The following PCDHGA6 variants were observed in gnomAD, a reference collection of about 807,000 sequenced individuals.
PCDHGA6 encodes the protein protocadherin gamma subfamily A, 6, also known as protocadherin gamma-A6.
In PCDHGA6, 41 loss-of-function variants were observed where a neutral mutation model predicts 60.6. The observed-to-expected ratio is 0.68, with a 90% CI of 0.53 to 0.88. The LOEUF is 0.88. PCDHGA6 is among the 40% of genes least tolerant of loss of function. The probability of loss-of-function intolerance (pLI) is 0.00; values close to 1 mark genes in which losing one functional copy is unlikely to be tolerated. For synonymous variants in PCDHGA6, 594 were observed against 524.4 expected (o/e 1.13, Z -1.81); for missense variants, 1,312 against 1,203.0 (o/e 1.09, Z -1.34).
intron 1 of PCDHGA6, chr5:141,492,013 T>G: frequency 1.6e-6 from 1 of 610,970 alleles, no homozygotes; most frequent in Non-Finnish European, 2.7e-6. Context: ...TCCGCGGGTG[T>G]CGGGGGTCCC....
chr5:141,495,028 G>C, intron 2 of PCDHGA6, 163 bp downstream of exon 2: 3 of 966,196 alleles, frequency 3.1e-6, no homozygotes, highest in Non-Finnish European at 3.7e-6. Flanking sequence ...CACAGACCCC[G>C]GAAGGAAGAG....
intron 1 of PCDHGA6, chr5:141,400,528 A>T (rs764084750): frequency 1.9e-6 from 3 of 1,613,868 alleles, no homozygotes; most frequent in Non-Finnish European, 2.5e-6. Context: ...TGAGTTGGTG[A>T]GTTTCATTTA....
chr5:141,438,627 TATATATATACAC>T (rs1324653166), intron 1 of PCDHGA6, among the ~76,000 whole-genome samples: 191 of 47,978 alleles, frequency 4.0e-3, no homozygotes, highest in African/African-American at 0.016. Flanking sequence ...TATATATATA[TATATATATACAC>T]ACACACACAC....
chr5:141,484,002 A>T, intron 1 of PCDHGA6, among the ~76,000 whole-genome samples: 1 of 25,484 alleles, frequency 3.9e-5, no homozygotes, highest in African/African-American at 1.7e-4. Context: ...GGAGGTCTGG[A>T]TGAGGGTGGG....
chr5:141,419,258 C>A, intron 1 of PCDHGA6: 3 of 1,614,028 alleles, frequency 1.9e-6, no homozygotes, highest in Non-Finnish European at 2.5e-6. Flanking sequence ...AAACAACCAG[C>A]CGGGTGCCTC....
chr5:141,428,729 ATAT>A (rs2097158318), intron 1 of PCDHGA6: 2 of 159,768 alleles, frequency 1.3e-5, no homozygotes. Flanking sequence ...AATCTTAAAC[ATAT>A]TATATCTACT....
intron 1 of PCDHGA6, chr5:141,394,873 C>T (rs376612124): frequency 6.8e-6 from 11 of 1,613,708 alleles, no homozygotes; most frequent in Non-Finnish European, 8.5e-6. Context: ...CCGAACGATT[C>T]GAGCCTTACA....
intron 1 of PCDHGA6, chr5:141,395,325 G>T (rs1261775810): frequency 6.8e-7 from 1 of 1,473,892 alleles, no homozygotes; most frequent in Admixed American, 2.5e-5. Context: ...GAAGATAGTT[G>T]AAAATAATTT....
At chr5:141,494,972 C>G in intron 2 of PCDHGA6, 107 bp downstream of exon 2, 1 of 1,581,852 alleles carries the variant, frequency 6.3e-7, no homozygotes, top group Non-Finnish European at 8.6e-7. Context: ...TGGCTTCTCC[C>G]TCAGTTTGAG....
At chr5:141,410,441 A>C (rs1242063924) in intron 1 of PCDHGA6, 1 of 1,613,828 alleles carries the variant, frequency 6.2e-7, no homozygotes, top group South Asian at 1.1e-5. Flanking sequence ...CAGTGAGGGG[A>C]CTTTGCCTTA....
intron 1 of PCDHGA6, chr5:141,393,579 C>A: frequency 6.2e-7 from 1 of 1,613,888 alleles, no homozygotes; most frequent in South Asian, 1.1e-5. Flanking sequence ...TGAGAACATG[C>A]CCCCAGGCAC....
In PCDHGA6 at chr5:141,476,012, T is replaced by C. The variant is rs2099383969; in HGVS notation, c.2425-18795T>C. The stretch of plus-strand genomic sequence containing the variant: ...CAAATCAACGGCATCCAGAAAGCCA[T>C]GTCGGACTCGGCGCCCAGCGCCCAA... On this transcript the variant is annotated intron_variant, in intron 1 of 3. Coordinates refer to ENST00000517434, the MANE Select transcript of PCDHGA6 (RefSeq NM_018919.3). This position sits in a 1 kb window ranked among gnomAD's most constrained non-coding sequence, Gnocchi z 7.6. 7.6e-7 allele frequency: 1 copy of C among 1,317,178 alleles called. No individual in the cohort carries two copies. The highest frequency in any genetic ancestry group is 1.4e-5 in the South Asian group (1 of 69,696). The allele number at this position is 1,317,178 out of a possible 1,614,324, so 81.6% of individuals were successfully genotyped here. A position where few individuals can be genotyped will look rare whatever the true frequency, so the allele number is the denominator to read the frequency against.
rs1287277950 is a variant in PCDHGA6 at position 141,384,488 on chromosome 5, T to C, written c.2424+7981T>C. The C allele has an allele frequency of 2.5e-6, 4 of 1,614,104 alleles. No individual in the cohort carries two copies. In the East Asian group the frequency reaches 8.9e-5, roughly 36 times the overall value. The stretch of plus-strand genomic sequence containing the variant: ...TATGAGCAGTTGAGAGAACTACAAC[T>C]AAGAGTGACTGCACATGACAGCGGG... On this transcript the variant is annotated intron_variant, in intron 1 of 3. Transcript: ENST00000517434.
At chr5:141,418,341 A>G (rs1407312724) in intron 1 of PCDHGA6, 1 of 1,614,006 alleles carries the variant, frequency 6.2e-7, no homozygotes, top group South Asian at 1.1e-5. Context: ...GAAGATCCTG[A>G]TATTAGTATG....
intron 1 of PCDHGA6, among the ~76,000 whole-genome samples, chr5:141,382,034 G>A (rs574726397): frequency 6.6e-5 from 10 of 151,712 alleles, no homozygotes; most frequent in African/African-American, 2.4e-4. Flanking sequence ...TCTCCATGTT[G>A]GTCAGGCTGG....
At chr5:141,478,256 A>G in intron 1 of PCDHGA6, 6 of 1,614,126 alleles carry the variant, frequency 3.7e-6, no homozygotes, top group Non-Finnish European at 5.1e-6. Flanking sequence ...CGGAGTAATC[A>G]TATTCAAAGT....
At chr5:141,400,165 C>T (rs749867110) in intron 1 of PCDHGA6, 2 of 1,614,040 alleles carry the variant, frequency 1.2e-6, no homozygotes, top group South Asian at 2.2e-5. Flanking sequence ...ACCCTCTGAC[C>T]CCCAGGCTGA....
intron 1 of PCDHGA6, chr5:141,409,742 G>T (rs763304955): frequency 5.0e-6 from 8 of 1,612,988 alleles, no homozygotes; most frequent in African/African-American, 1.3e-5. Flanking sequence ...GAGCGGGGTG[G>T]TGTTCGCGCA....
chr5:141,391,775 A>T (rs996921581), intron 1 of PCDHGA6: 1 of 152,210 alleles, frequency 6.6e-6, no homozygotes, highest in Non-Finnish European at 1.5e-5. Flanking sequence ...TTATATAGTC[A>T]TTACTTTTTG....
Sources: allele counts gnomAD v4.1 joint callset (sites outside exome capture counted in the v4.1 genomes callset), GRCh38; gene constraint gnomAD v4.1.1; non-coding constraint Gnocchi (gnomAD v3.1); transcripts MANE v1.5; gene names NCBI Gene and HGNC (gene_info 2026-07-23, HGNC 2026-07-21).